NCKAP5: variants seen among roughly 807,000 people sequenced by gnomAD.
NCKAP5 encodes the protein NCK associated protein 5, also known as nck-associated protein 5.
In NCKAP5, 92 loss-of-function variants were observed where a neutral mutation model predicts 167.0. The observed-to-expected ratio is 0.55, with a 90% CI of 0.47 to 0.66. The LOEUF (loss-of-function observed/expected upper bound fraction) is 0.66. NCKAP5 is among the 30% of genes least tolerant of loss of function. The pLI, the probability that NCKAP5 is intolerant of heterozygous loss-of-function variation, is 0.00. For missense variants in NCKAP5, 2,378 were observed against 2,315.0 expected (o/e 1.03, Z -0.56); for synonymous variants, 891 against 877.4 (o/e 1.02, Z -0.27).
chr2:132,788,396 C>T (rs1683771167), intron 13 of NCKAP5, among the ~76,000 whole-genome samples: 1 of 152,172 alleles, frequency 6.6e-6, no homozygotes, highest in Non-Finnish European at 1.5e-5. Flanking sequence ...AGCAACCTCA[C>T]CACGTTTCAG....
At chr2:133,379,490 C>T (rs1007606654) in intron 3 of NCKAP5, among the ~76,000 whole-genome samples, 15 of 152,142 alleles carry the variant, frequency 9.9e-5, no homozygotes, top group Non-Finnish European at 2.2e-4. Flanking sequence ...CCAGGATTTT[C>T]TTGTTTTCCT....
At chr2:133,046,545 A>C (rs1358421784) in intron 6 of NCKAP5, among the ~76,000 whole-genome samples, 1 of 151,862 alleles carries the variant, frequency 6.6e-6, no homozygotes, top group Non-Finnish European at 1.5e-5. Flanking sequence ...TGCCTGGTTA[A>C]TTTTTTAATT....
chr2:133,316,890 A>T (rs1681645480), intron 3 of NCKAP5, among the ~76,000 whole-genome samples: 1 of 152,210 alleles, frequency 6.6e-6, no homozygotes, highest in Admixed American at 6.5e-5. Context: ...TGTCTTGGTG[A>T]AAAGAAACAC....
intron 6 of NCKAP5, among the ~76,000 whole-genome samples, chr2:132,999,528 T>C (rs1220547604): frequency 6.6e-6 from 1 of 152,202 alleles, no homozygotes; most frequent in Non-Finnish European, 1.5e-5. Context: ...TGAAAGAAAA[T>C]GTTAAAACAC....
chr2:133,394,744 G>A (rs970112019), intron 3 of NCKAP5, among the ~76,000 whole-genome samples: 8 of 151,682 alleles, frequency 5.3e-5, no homozygotes, highest in African/African-American at 1.9e-4. Context: ...TGAAAGGAAA[G>A]GAAACCAAAT....
rs146026009 is a variant in NCKAP5, at chr2:133,256,965, A to T, written c.144-43186T>A. On this transcript the variant is annotated intron_variant, in intron 4 of 19. Coordinates refer to ENST00000409261, the MANE Select transcript of NCKAP5 (RefSeq NM_207363.3). ...ATAATTTTCCCTACTTACCCTCTAC[A>T]GACTGTAGGACCTACGCGCGCACAC... 1.0e-3 allele frequency among the ~76,000 whole-genome samples: 155 copies of T among 152,290 alleles called. 1 individual carries two copies. The East Asian group carries it at 0.026, about 25-fold the overall frequency.
At chr2:133,208,710 A>T (rs2086071757) in intron 5 of NCKAP5, among the ~76,000 whole-genome samples, 1 of 152,232 alleles carries the variant, frequency 6.6e-6, no homozygotes, top group South Asian at 2.1e-4. Flanking sequence ...AACTATGACA[A>T]GTGTACCATG....
the NCKAP5 span, among the ~76,000 whole-genome samples, chr2:133,609,176 A>T: frequency 3.9e-5 from 6 of 152,056 alleles, no homozygotes; most frequent in African/African-American, 1.4e-4. Context: ...TGTATTTTTA[A>T]TGTACTCATT....
intron 4 of NCKAP5, among the ~76,000 whole-genome samples, chr2:133,262,315 C>T (rs1213478281): frequency 6.6e-6 from 1 of 152,104 alleles, no homozygotes; most frequent in Non-Finnish European, 1.5e-5. Context: ...TTCTGAGTTC[C>T]CAAATCTCCG....
At chr2:133,213,513 AT>A (rs966512444) in intron 5 of NCKAP5, among the ~76,000 whole-genome samples, 16 of 150,778 alleles carry the variant, frequency 1.1e-4, no homozygotes, top group Admixed American at 3.3e-4. Flanking sequence ...TTAAAGCCTC[AT>A]TTTTTTTTCA....
chr2:133,080,949 A>C (rs2080782632), intron 6 of NCKAP5, among the ~76,000 whole-genome samples: 1 of 152,136 alleles, frequency 6.6e-6, no homozygotes, highest in South Asian at 2.1e-4. Context: ...TGGATAAAAC[A>C]AAGCAGACAG....
At chr2:133,540,208 A>G (rs13021343) in intron 2 of NCKAP5, among the ~76,000 whole-genome samples, 3 of 151,938 alleles carry the variant, frequency 2.0e-5, no homozygotes, top group Non-Finnish European at 4.4e-5. Context: ...GAAAAATGCT[A>G]TGCATATCAA....
At chr2:133,304,290 C>A (rs555749468) in intron 3 of NCKAP5, among the ~76,000 whole-genome samples, 1 of 152,138 alleles carries the variant, frequency 6.6e-6, no homozygotes, top group Non-Finnish European at 1.5e-5. Flanking sequence ...TCTACCCATG[C>A]GGCCTTGAAA....
intron 19 of NCKAP5, among the ~76,000 whole-genome samples, chr2:132,715,662 G>A (rs1426017366): frequency 6.6e-6 from 1 of 152,190 alleles, no homozygotes; most frequent in African/African-American, 2.4e-5. Context: ...TCTGTGCTCT[G>A]TGTTACCACT....
intron 16 of NCKAP5, among the ~76,000 whole-genome samples, chr2:132,736,975 C>A (rs1016810446): frequency 6.6e-6 from 1 of 152,206 alleles, no homozygotes; most frequent in African/African-American, 2.4e-5. Context: ...TCAACCCTCT[C>A]ACCTGTTCCC....
At chr2:133,187,034 C>T (rs2084975505) in intron 5 of NCKAP5, among the ~76,000 whole-genome samples, 1 of 151,818 alleles carries the variant, frequency 6.6e-6, no homozygotes, top group South Asian at 2.1e-4. Flanking sequence ...TAGTTTCCTA[C>T]TGCCATGTCA....
chr2:133,357,709 T>C (rs1684835205), intron 3 of NCKAP5, among the ~76,000 whole-genome samples: 1 of 152,240 alleles, frequency 6.6e-6, no homozygotes, highest in Admixed American at 6.5e-5. Context: ...TCTTGCCCTA[T>C]AAATTCCATT....
At chr2:133,661,573 G>A in the NCKAP5 span, among the ~76,000 whole-genome samples, 14 of 152,228 alleles carry the variant, frequency 9.2e-5, no homozygotes, top group African/African-American at 2.4e-4. Flanking sequence ...TCTCCAGTTC[G>A]CCCACACTCA....
intron 7 of NCKAP5, among the ~76,000 whole-genome samples, chr2:132,981,321 G>A (rs1251408364): frequency 6.6e-6 from 1 of 152,100 alleles, no homozygotes; most frequent in East Asian, 1.9e-4. Context: ...CAGAAGGCAT[G>A]CAGCAAATAG....
Sources: allele counts gnomAD v4.1 joint callset (sites outside exome capture counted in the v4.1 genomes callset), GRCh38; gene constraint gnomAD v4.1.1; transcripts MANE v1.5; gene names NCBI Gene and HGNC (gene_info 2026-07-23, HGNC 2026-07-21).